XKR6: variants seen among roughly 807,000 people sequenced by gnomAD.
XKR6 encodes the protein XK-related protein 6.
Under a neutral mutation model 56.7 loss-of-function variants are expected in XKR6, and 22 were observed. The ratio of observed to expected loss-of-function variants is 0.39; its 90% confidence interval spans 0.28 to 0.55. The LOEUF (loss-of-function observed/expected upper bound fraction) is 0.55. Ranked by LOEUF, XKR6 falls within the 20% of genes least tolerant of loss-of-function variation. The pLI is 0.66. For synonymous variants in XKR6, 524 were observed against 387.8 expected, an observed-to-expected ratio of 1.35 and a Z score of -4.13; for missense variants, 852 against 889.0, an observed-to-expected ratio of 0.96 and a Z score of 0.53.
intron 1 of XKR6, among the ~76,000 whole-genome samples, chr8:11,190,940 A>T (rs559079800): frequency 9.8e-5 from 15 of 152,308 alleles, no homozygotes; most frequent in Admixed American, 3.9e-4. Flanking sequence ...CCTCCTTAGT[A>T]ATTTCTCTAC....
At position 10,898,153 on chromosome 8, in the gene XKR6, C is replaced by A; in HGVS notation, c.1725G>T (p.Gly575=). 3 of 1,614,004 alleles carry A rather than the reference C, an allele frequency of 1.9e-6. No homozygotes were observed. Among genetic ancestry groups the A allele is most frequent in the African/African-American group, 2.7e-5 (2 of 75,016 alleles). The change falls in exon 3 of 3, where the codon GGG becomes GGT. Residue 575 remains glycine, a synonymous_variant. Coordinates refer to ENST00000416569, the MANE Select transcript of XKR6 (RefSeq NM_173683.4). This position sits in a 1 kb window ranked among gnomAD's most constrained non-coding sequence, Gnocchi z 6.6. ...VRPMGPPTPL[G]RPYLPEGPLI... Reference sequence around the variant, plus strand: ...GGGGCCCTTCTGGGAGGTAAGGACGCCCCAACGGGGTAGGGGGCCCCATGG... The same window carrying A: ...GGGGCCCTTCTGGGAGGTAAGGACGACCCAACGGGGTAGGGGGCCCCATGG...
intron 1 of XKR6, among the ~76,000 whole-genome samples, chr8:11,045,075 CTTTTTTTTTTTT>C (rs5889356): frequency 6.1e-4 from 22 of 36,038 alleles, no homozygotes; most frequent in Admixed American, 6.1e-3. Context: ...TCAAATCACT[CTTTTTTTTTTTT>C]TTTTTTTTTT....
chr8:11,128,712 C>A (rs923149746), intron 1 of XKR6: 6 of 397,060 alleles, frequency 1.5e-5, no homozygotes, highest in Admixed American at 6.1e-5. Flanking sequence ...TCATTAAACA[C>A]CTATTCCATC....
intron 1 of XKR6, among the ~76,000 whole-genome samples, chr8:11,017,825 C>A (rs1294255999): frequency 6.6e-6 from 1 of 152,182 alleles, no homozygotes; most frequent in African/African-American, 2.4e-5. Context: ...TCCTCCTGGG[C>A]CAGGAAGCAG....
intron 1 of XKR6, among the ~76,000 whole-genome samples, chr8:10,941,242 C>T (rs987723050): frequency 2.0e-5 from 3 of 152,190 alleles, no homozygotes; most frequent in African/African-American, 7.2e-5. Context: ...CCAGGCAACC[C>T]TTCAGCCCTT....
intron 1 of XKR6, among the ~76,000 whole-genome samples, chr8:10,939,396 C>G (rs1378646670): frequency 6.6e-6 from 1 of 152,152 alleles, no homozygotes; most frequent in Non-Finnish European, 1.5e-5. Flanking sequence ...CTGACCTGCT[C>G]GAGGAACAAA....
chr8:11,087,456 C>T (rs1045045792), intron 1 of XKR6, among the ~76,000 whole-genome samples: 3 of 152,150 alleles, frequency 2.0e-5, no homozygotes, highest in Non-Finnish European at 2.9e-5. Context: ...CGCACAGCAA[C>T]GTGATGAAGT....
chr8:11,090,405 GTT>G lies in XKR6; in HGVS notation c.764+110169_764+110170del, dbSNP rs34476021. Among the ~76,000 whole-genome samples, 368 of 148,040 alleles carry G rather than the reference GTT, an allele frequency of 2.5e-3. 2 individuals are homozygous for G. Among genetic ancestry groups the G allele is most frequent in the Middle Eastern group, 0.011 (3 of 284 alleles). Reference sequence around the variant, plus strand: ...ACCCACTTCCAGTCGCTTTTTAATGGTTTTTTTTTTTTCTTAATTTCCAGCAT... The same window carrying G: ...ACCCACTTCCAGTCGCTTTTTAATGGTTTTTTTTTTCTTAATTTCCAGCAT... On this transcript the variant is annotated intron_variant, in intron 1 of 2. Coordinates refer to ENST00000416569, the MANE Select transcript of XKR6 (RefSeq NM_173683.4).
At chr8:11,034,520 G>C (rs1207472622) in intron 1 of XKR6, among the ~76,000 whole-genome samples, 1 of 152,240 alleles carries the variant, frequency 6.6e-6, no homozygotes, top group Non-Finnish European at 1.5e-5. Context: ...AGGCAGGTAA[G>C]ATTGGCTTTT....
intron 1 of XKR6, chr8:11,175,669 A>T (rs1388209651): frequency 6.6e-6 from 1 of 152,212 alleles, no homozygotes; most frequent in Admixed American, 6.5e-5. Context: ...AATCCTCAAA[A>T]ACAATTAATT....
At chr8:10,935,076 C>A (rs1334552351) in intron 1 of XKR6, among the ~76,000 whole-genome samples, 2 of 90,506 alleles carry the variant, frequency 2.2e-5, no homozygotes, top group Non-Finnish European at 4.6e-5. Context: ...ACAATTTCAG[C>A]TCCTGTTATT....
intron 1 of XKR6, among the ~76,000 whole-genome samples, chr8:11,182,199 C>T (rs1209605159): frequency 6.6e-6 from 1 of 152,194 alleles, no homozygotes; most frequent in African/African-American, 2.4e-5. Context: ...AAAGGGAGGA[C>T]CAGGCTGTTG....
intron 1 of XKR6, among the ~76,000 whole-genome samples, chr8:11,058,286 A>G (rs1410892943): frequency 6.6e-6 from 1 of 152,202 alleles, no homozygotes; most frequent in Non-Finnish European, 1.5e-5. Context: ...AGGATCTAGT[A>G]CCAGAAATGC....
chr8:11,132,847 T>C (rs568870348), intron 1 of XKR6, among the ~76,000 whole-genome samples: 1 of 133,702 alleles, frequency 7.5e-6, no homozygotes, highest in East Asian at 1.9e-4. Context: ...CCTGTAATGC[T>C]TTGTATGATG....
chr8:10,999,129 C>G (rs1004582403), intron 1 of XKR6, among the ~76,000 whole-genome samples: 10 of 152,224 alleles, frequency 6.6e-5, no homozygotes, highest in Non-Finnish European at 1.5e-4. Flanking sequence ...TCAAATCCAT[C>G]AAGCATGCAT....
intron 1 of XKR6, among the ~76,000 whole-genome samples, chr8:11,133,918 A>C (rs1470996129): frequency 6.6e-6 from 1 of 152,018 alleles, no homozygotes; most frequent in Non-Finnish European, 1.5e-5. Context: ...TAAACCCCAC[A>C]ACTTTGTCTA....
At chr8:11,002,538 C>A in intron 1 of XKR6, 2 of 277,038 alleles carry the variant, frequency 7.2e-6, no homozygotes, top group South Asian at 3.5e-5. Context: ...AGGTGTGGTG[C>A]ATACCCAGAG....
chr8:11,080,558 T>C (rs1467844586), intron 1 of XKR6, among the ~76,000 whole-genome samples: 1 of 150,730 alleles, frequency 6.6e-6, no homozygotes, highest in Non-Finnish European at 1.5e-5. Context: ...TGTGAGTCTG[T>C]CCCCAGTTCA....
At chr8:10,917,088 C>A (rs1308339700) in intron 2 of XKR6, among the ~76,000 whole-genome samples, 5 of 148,136 alleles carry the variant, frequency 3.4e-5, no homozygotes. Context: ...TTTTTTTTGG[C>A]ACAAATTTGG....
Sources: allele counts gnomAD v4.1 joint callset (sites outside exome capture counted in the v4.1 genomes callset), GRCh38; gene constraint gnomAD v4.1.1; non-coding constraint Gnocchi (gnomAD v3.1); transcripts MANE v1.5; gene names NCBI Gene and HGNC (gene_info 2026-07-23, HGNC 2026-07-21).